MAN2A1: variants seen among roughly 807,000 people sequenced by gnomAD.
The protein encoded by MAN2A1 is mannosidase alpha class 2A member 1.
In MAN2A1, 76 loss-of-function variants were observed where a neutral mutation model predicts 142.6. That is an observed-to-expected ratio of 0.53 (90% CI 0.44 to 0.65). The LOEUF is 0.65. Among genes scored for constraint, MAN2A1 ranks in the 30% least tolerant of loss-of-function variants. The pLI is 0.00. For missense variants in MAN2A1, 1,311 were observed against 1,365.1 expected (o/e 0.96, Z 0.62); for synonymous variants, 559 against 473.2 (o/e 1.18, Z -2.35).
rs553688673 is a variant in MAN2A1, at chr5:109,772,983, T to G, written c.1197-1805T>G. 1.4e-3 allele frequency among the ~76,000 whole-genome samples: 211 copies of G among 152,308 alleles called. 1 individual carries two copies. The highest frequency in any genetic ancestry group is 4.4e-3 in the African/African-American group (184 of 41,586). ...TATATTTTAAGTTGGCTTTTTCTAT[T>G]GACCGTCACGTGATTTGATGTTTCG... On this transcript the variant is annotated intron_variant, in intron 7 of 21. Transcript: ENST00000261483.
At chr5:109,801,262 TG>T (rs1754023675) in intron 12 of MAN2A1, among the ~76,000 whole-genome samples, 1 of 152,148 alleles carries the variant, frequency 6.6e-6, no homozygotes, top group Admixed American at 6.5e-5. Context: ...GAACTCAGGA[TG>T]GTTCCTGCTT....
At chr5:109,781,311 T>A in intron 8 of MAN2A1, 85 bp from the exon 9 acceptor site, 1 of 711,886 alleles carries the variant, frequency 1.4e-6, no homozygotes. Context: ...ATGTTAAATA[T>A]TTATTATTAA....
At chr5:109,830,043 A>G (rs993340591) in intron 16 of MAN2A1, among the ~76,000 whole-genome samples, 2 of 152,166 alleles carry the variant, frequency 1.3e-5, no homozygotes, top group Admixed American at 6.5e-5. Flanking sequence ...AAATTTTAGC[A>G]TAATTTATAT....
At chr5:109,846,997 C>T (rs905571641) in intron 18 of MAN2A1, among the ~76,000 whole-genome samples, 1 of 126,228 alleles carries the variant, frequency 7.9e-6, no homozygotes, top group African/African-American at 3.4e-5. Flanking sequence ...CCCAGTGTTG[C>T]TAAATTCAAT....
At chr5:109,804,927 G>A (rs768463565) in intron 12 of MAN2A1, among the ~76,000 whole-genome samples, 27 of 152,080 alleles carry the variant, frequency 1.8e-4, no homozygotes, top group Admixed American at 4.6e-4. Flanking sequence ...TGTACTATGT[G>A]TTCTTCCAAA....
intron 12 of MAN2A1, among the ~76,000 whole-genome samples, chr5:109,796,251 T>C (rs1753858449): frequency 6.6e-6 from 1 of 152,200 alleles, no homozygotes; most frequent in Non-Finnish European, 1.5e-5. Flanking sequence ...TGCTATACTT[T>C]AGAGAAACCT....
chr5:109,756,682 T>A (rs1389546021), intron 5 of MAN2A1, among the ~76,000 whole-genome samples: 1 of 152,204 alleles, frequency 6.6e-6, no homozygotes, highest in African/African-American at 2.4e-5. Flanking sequence ...TTTGGAAGCA[T>A]GTTGCAGGTA....
At chr5:109,829,816 C>G (rs763246728) in intron 16 of MAN2A1, among the ~76,000 whole-genome samples, 32 of 152,106 alleles carry the variant, frequency 2.1e-4, no homozygotes, top group Non-Finnish European at 3.2e-4. Context: ...ATTGTTAGTT[C>G]TCTTCAGTTA....
intron 16 of MAN2A1, chr5:109,840,248 A>G (rs1254999016): frequency 1.1e-5 from 3 of 274,920 alleles, no homozygotes; most frequent in East Asian, 2.1e-4. Flanking sequence ...CAGTCCTTCA[A>G]GCAATTTGAA....
intron 16 of MAN2A1, among the ~76,000 whole-genome samples, chr5:109,831,697 T>C (rs575184005): frequency 6.6e-6 from 1 of 152,180 alleles, no homozygotes; most frequent in African/African-American, 2.4e-5. Flanking sequence ...TATTTTCTCC[T>C]TATAATTACA....
At chr5:109,846,134 C>A in intron 18 of MAN2A1, 128 bp downstream of exon 18, 1 of 776,994 alleles carries the variant, frequency 1.3e-6, no homozygotes. Context: ...TTTTTTCTTT[C>A]AACAACCAGA....
At chr5:109,710,567 C>T (rs886474156) in intron 1 of MAN2A1, among the ~76,000 whole-genome samples, 4 of 151,440 alleles carry the variant, frequency 2.6e-5, no homozygotes, top group African/African-American at 4.9e-5. Context: ...TGCAGTGATG[C>T]GATCTTGGTT....
intron 4 of MAN2A1, among the ~76,000 whole-genome samples, chr5:109,754,876 C>G (rs1430441456): frequency 6.6e-6 from 1 of 152,238 alleles, no homozygotes; most frequent in Non-Finnish European, 1.5e-5. Flanking sequence ...TGGCGCATGC[C>G]TGTAATCCCG....
intron 8 of MAN2A1, among the ~76,000 whole-genome samples, chr5:109,779,678 G>T (rs1398453830): frequency 6.6e-6 from 1 of 151,834 alleles, no homozygotes; most frequent in Non-Finnish European, 1.5e-5. Context: ...GCTGTAAATT[G>T]CTTAAAGTAC....
intron 5 of MAN2A1, among the ~76,000 whole-genome samples, chr5:109,756,355 C>G (rs1752687726): frequency 6.6e-6 from 1 of 151,878 alleles, no homozygotes; most frequent in South Asian, 2.1e-4. Flanking sequence ...GTATGTAAAT[C>G]CTTTCAAATA....
In MAN2A1 at chr5:109,860,674, T is replaced by A. The variant is rs571089401; in HGVS notation, c.3172-4362T>A. ...GAATGACATAACTCACATCTTAAGATCTTCAGTAGAGGACTATTCACCTGC... is the reference window on the plus strand; with the variant it reads ...GAATGACATAACTCACATCTTAAGAACTTCAGTAGAGGACTATTCACCTGC... On this transcript the variant is annotated intron_variant, in intron 20 of 21. Coordinates refer to ENST00000261483, the MANE Select transcript of MAN2A1 (RefSeq NM_002372.4). Among the ~76,000 whole-genome samples the A allele has an allele frequency of 6.6e-4, 100 of 152,306 alleles. 1 individual carries two copies. The highest frequency in any genetic ancestry group is 2.2e-3 in the African/African-American group (92 of 41,576).
Position 109,847,644 on chromosome 5 carries a change from GTT to G in MAN2A1, c.2843-11_2843-10del. 1 of 1,505,060 alleles carries G rather than the reference GTT, an allele frequency of 6.6e-7. No individual in the cohort carries two copies. Among genetic ancestry groups the G allele is most frequent in the Non-Finnish European group, 8.9e-7 (1 of 1,126,376 alleles). 93.2% of individuals were successfully genotyped at this position (1,505,060 alleles called of 1,614,324 possible). ...TCTGGTCAGTTTTGCTTGTTTGTTT[GTT>G]TGTGTGTTAGGTCAGATTGAAGTTA... On this transcript the variant is annotated splice_polypyrimidine_tract_variant and intron_variant, in intron 18 of 21. Coordinates refer to ENST00000261483, the MANE Select transcript of MAN2A1 (RefSeq NM_002372.4).
intron 19 of MAN2A1, chr5:109,854,331 A>G (rs561616581): frequency 6.6e-5 from 10 of 152,162 alleles, no homozygotes; most frequent in South Asian, 2.1e-4. Flanking sequence ...ATCTACCAAC[A>G]TTAGTAGATT....
intron 3 of MAN2A1, among the ~76,000 whole-genome samples, chr5:109,720,869 AAGG>A: frequency 6.6e-6 from 1 of 152,312 alleles, no homozygotes; most frequent in Non-Finnish European, 1.5e-5. Flanking sequence ...TGGTCATCGG[AAGG>A]AGAAGTTGTA....
Sources: allele counts gnomAD v4.1 joint callset (sites outside exome capture counted in the v4.1 genomes callset), GRCh38; gene constraint gnomAD v4.1.1; transcripts MANE v1.5; gene names NCBI Gene and HGNC (gene_info 2026-07-23, HGNC 2026-07-21).